Variants in EIF3J observed in about 807,000 individuals in gnomAD.
The protein encoded by EIF3J is eukaryotic translation initiation factor 3, subunit 1 (alpha, 35kD).
Under a neutral mutation model 39.0 loss-of-function variants are expected in EIF3J, and 15 were observed. The ratio of observed to expected loss-of-function variants is 0.38; its 90% CI spans 0.26 to 0.59. The LOEUF (loss-of-function observed/expected upper bound fraction) is 0.59, where lower values mean the gene tolerates loss of function less well. EIF3J is among the 20% of genes least tolerant of loss of function. EIF3J has a pLI of 0.60. For missense variants in EIF3J, 226 were observed against 308.6 expected (o/e 0.73, Z 2.00); for synonymous variants, 98 against 112.9 (o/e 0.87, Z 0.84).
chr15:44,538,840 G>T (rs1259632322), intron 2 of EIF3J, among the ~76,000 whole-genome samples: 2 of 152,068 alleles, frequency 1.3e-5, no homozygotes, highest in Non-Finnish European at 2.9e-5. Context: ...ATGCATATAG[G>T]AAGTGGCAGT....
intron 2 of EIF3J, among the ~76,000 whole-genome samples, chr15:44,546,247 TA>T (rs1341041955): frequency 1.3e-5 from 2 of 152,238 alleles, no homozygotes; most frequent in East Asian, 3.8e-4. Context: ...AAATAATGAC[TA>T]GCTGGTTTGC....
rs907477661 is a variant in EIF3J at position 44,537,373 on chromosome 15, C to T, written c.93C>T (p.Gly31=). The T allele has an allele frequency of 3.8e-6, 6 of 1,567,798 alleles. No individual in the cohort carries two copies. Among genetic ancestry groups the T allele is most frequent in the South Asian group, 2.3e-5 (2 of 85,720 alleles). Residue 31 remains glycine (G), a synonymous_variant, in exon 2 of 8, where the codon GGC becomes GGT. Coordinates refer to ENST00000261868, the MANE Select transcript of EIF3J (RefSeq NM_003758.4). ...VEDPVRKVGG[G]GTAGGDRWEG... ...ACCCAGTGCGGAAGGTGGGGGGCGGCGGCACTGCCGGCGGGGACCGCTGGG... is the reference window on the plus strand; with the variant it reads ...ACCCAGTGCGGAAGGTGGGGGGCGGTGGCACTGCCGGCGGGGACCGCTGGG...
chr15:44,538,226 G>T (rs1293652874), intron 2 of EIF3J, among the ~76,000 whole-genome samples: 1 of 150,840 alleles, frequency 6.6e-6, no homozygotes, highest in African/African-American at 2.4e-5. Context: ...TACCTCAGTC[G>T]TTTGATTTTG....
chr15:44,540,152 C>T (rs1372459677), intron 2 of EIF3J, among the ~76,000 whole-genome samples: 3 of 147,720 alleles, frequency 2.0e-5, no homozygotes, highest in Non-Finnish European at 3.0e-5. Flanking sequence ...TTGGCCAGGC[C>T]GGTCTTGAAC....
intron 2 of EIF3J, among the ~76,000 whole-genome samples, chr15:44,548,504 C>T (rs998583195): frequency 6.6e-6 from 1 of 152,124 alleles, no homozygotes; most frequent in Admixed American, 6.6e-5. Flanking sequence ...CAGAAATAGA[C>T]CAAGTACATA....
intron 2 of EIF3J, among the ~76,000 whole-genome samples, chr15:44,549,028 A>G (rs2082076489): frequency 6.6e-6 from 1 of 152,108 alleles, no homozygotes; most frequent in Non-Finnish European, 1.5e-5. Context: ...TCCAAATCAG[A>G]GATCTAAATA....
chr15:44,538,600 G>A (rs1268643628), intron 2 of EIF3J, among the ~76,000 whole-genome samples: 2 of 152,160 alleles, frequency 1.3e-5, no homozygotes, highest in East Asian at 1.9e-4. Flanking sequence ...GTGGATGTCC[G>A]ATTTACTGAC....
At chr15:44,547,449 T>C (rs1185836023) in intron 2 of EIF3J, among the ~76,000 whole-genome samples, 1 of 142,922 alleles carries the variant, frequency 7.0e-6, no homozygotes, top group Non-Finnish European at 1.5e-5. Flanking sequence ...TCTTTTTTTT[T>C]TTTTTTTTTT....
chr15:44,549,241 A>C (rs905476915), intron 2 of EIF3J, among the ~76,000 whole-genome samples: 1 of 151,820 alleles, frequency 6.6e-6, no homozygotes, highest in African/African-American at 2.4e-5. Context: ...TAAAAATACA[A>C]AGTTAGCCAG....
chr15:44,537,499 G>GAA, intron 2 of EIF3J, 72 bp downstream of exon 2: 1 of 1,406,416 alleles, frequency 7.1e-7, no homozygotes, highest in Non-Finnish European at 9.2e-7. Flanking sequence ...CTGGGCCCCG[G>GAA]GTCGCTGCCG....
At chr15:44,548,990 G>A (rs1163013064) in intron 2 of EIF3J, among the ~76,000 whole-genome samples, 1 of 151,674 alleles carries the variant, frequency 6.6e-6, no homozygotes, top group African/African-American at 2.4e-5. Context: ...TTAGATCCAT[G>A]TTGCATATCA....
At chr15:44,556,591 C>A (rs1382126227) in intron 5 of EIF3J, among the ~76,000 whole-genome samples, 1 of 152,104 alleles carries the variant, frequency 6.6e-6, no homozygotes, top group African/African-American at 2.4e-5. Flanking sequence ...ATTGTAACCT[C>A]CGCCTCCTGG....
intron 2 of EIF3J, among the ~76,000 whole-genome samples, chr15:44,543,482 C>T (rs900809615): frequency 3.3e-5 from 5 of 150,480 alleles, no homozygotes; most frequent in Middle Eastern, 3.2e-3. Flanking sequence ...GGCGCAGTCT[C>T]GGCTTACTGC....
intron 5 of EIF3J, among the ~76,000 whole-genome samples, chr15:44,557,022 T>A (rs1159463890): frequency 1.3e-5 from 2 of 152,192 alleles, no homozygotes; most frequent in African/African-American, 4.8e-5. Flanking sequence ...CTGTTATATA[T>A]AAATAGATGT....
rs10630378 is a variant in EIF3J at position 44,544,098 on chromosome 15, C to CTTTT, written c.147+6682_147+6685dup. Among the ~76,000 whole-genome samples the CTTTT allele has an allele frequency of 6.2e-4, 83 of 134,058 alleles. 3 individuals carry two copies. The East Asian group carries it at 0.015, about 24-fold the overall frequency. The allele number at this position is 134,058 out of a possible 152,430, so 87.9% of individuals were successfully genotyped here. The stretch of plus-strand genomic sequence containing the variant: ...TTTCTTTTTTCTTTTCTTTTCTTTT[C>CTTTT]TTTTTTTTTTTTTTAGACGGAGGCC... On this transcript the variant is annotated intron_variant, in intron 2 of 7. Transcript: ENST00000261868.
At chr15:44,542,614 A>T (rs2082022316) in intron 2 of EIF3J, among the ~76,000 whole-genome samples, 1 of 152,252 alleles carries the variant, frequency 6.6e-6, no homozygotes, top group Non-Finnish European at 1.5e-5. Flanking sequence ...AGAAATAAAA[A>T]GAAAGCAAGA....
chr15:44,559,992 C>T (rs2082178415), intron 6 of EIF3J, among the ~76,000 whole-genome samples: 1 of 152,126 alleles, frequency 6.6e-6, no homozygotes, highest in Non-Finnish European at 1.5e-5. Flanking sequence ...CTTAAGTGAT[C>T]CACCCACCTA....
In EIF3J at chr15:44,540,267, A is replaced by ATT. The variant is rs71111863; in HGVS notation, c.147+2855_147+2856dup. 2.0e-3 allele frequency among the ~76,000 whole-genome samples: 120 copies of ATT among 61,404 alleles called. 2 individuals are homozygous for ATT. Among genetic ancestry groups the ATT allele is most frequent in the Middle Eastern group, 0.011 (1 of 88 alleles). 40.3% of individuals were successfully genotyped at this position (61,404 alleles called of 152,430 possible). A position where few individuals can be genotyped will look rare whatever the true frequency, so the allele number is the denominator to read the frequency against. On this transcript the variant is annotated intron_variant, in intron 2 of 7. Coordinates refer to ENST00000261868, the MANE Select transcript of EIF3J (RefSeq NM_003758.4). ...TATATATATATATATATATATATAT[A>ATT]TTTTTTTTTTTTTTTTGTAGATACA...
chr15:44,552,598 C>G (rs1272772873), intron 4 of EIF3J, among the ~76,000 whole-genome samples: 10 of 150,492 alleles, frequency 6.6e-5, no homozygotes, highest in Non-Finnish European at 1.2e-4. Context: ...GAGTTTCACT[C>G]TAGTCGCCCA....
Sources: gnomAD v4.1 joint callset for allele counts (sites outside exome capture counted in the v4.1 genomes callset) on GRCh38, gnomAD v4.1.1 for gene constraint, MANE v1.5 for transcripts, NCBI Gene and HGNC (gene_info 2026-07-23, HGNC 2026-07-21) for gene names.